The following PCCA variants were observed in gnomAD, a reference collection of about 807,000 sequenced individuals.
PCCA encodes propionyl-CoA carboxylase alpha chain, mitochondrial.
A neutral mutation model predicts 101.3 loss-of-function variants in PCCA; 74 were observed. The ratio of observed to expected loss-of-function variants is 0.73; its 90% CI spans 0.61 to 0.89. The LOEUF (loss-of-function observed/expected upper bound fraction) is 0.89. Ranked by LOEUF, PCCA falls within the 40% of genes least tolerant of loss-of-function variation. The probability of loss-of-function intolerance (pLI) is 0.00; values close to 1 mark genes in which losing one functional copy is unlikely to be tolerated. For synonymous variants in PCCA, 294 were observed against 313.6 expected (o/e 0.94, Z 0.66); for missense variants, 891 against 907.0 (o/e 0.98, Z 0.23).
At chr13:100,526,644 A>C in intron 22 of PCCA, among the ~76,000 whole-genome samples, 1 of 152,250 alleles carries the variant, frequency 6.6e-6, no homozygotes, top group East Asian at 1.9e-4. Flanking sequence ...ACACCCACCC[A>C]CACCACATAG....
At chr13:100,469,171 A>G (rs1411934628) in intron 21 of PCCA, among the ~76,000 whole-genome samples, 1 of 140,782 alleles carries the variant, frequency 7.1e-6, no homozygotes, top group Non-Finnish European at 1.5e-5. Context: ...AGATTGCGCC[A>G]TTGCACTCCA....
chr13:100,524,986 T>TGGATGGATAGATAA (rs1555330340), intron 22 of PCCA, among the ~76,000 whole-genome samples: 11 of 115,256 alleles, frequency 9.5e-5, no homozygotes, highest in African/African-American at 3.8e-4. Context: ...CTAAGATGGA[T>TGGATGGATAGATAA]AGATAGATAG....
At chr13:100,199,624 G>A (rs1229365377) in intron 6 of PCCA, among the ~76,000 whole-genome samples, 1 of 152,042 alleles carries the variant, frequency 6.6e-6, no homozygotes, top group Non-Finnish European at 1.5e-5. Flanking sequence ...GGCACATAAT[G>A]TCTTTTTAGC....
chr13:100,217,890 A>G (rs1357676158), intron 7 of PCCA, among the ~76,000 whole-genome samples: 2 of 150,920 alleles, frequency 1.3e-5, no homozygotes, highest in East Asian at 4.0e-4. Context: ...CCTGGCCAGC[A>G]TGGTGAAATC....
chr13:100,487,518 G>T (rs928370373), intron 21 of PCCA, among the ~76,000 whole-genome samples: 10 of 152,098 alleles, frequency 6.6e-5, no homozygotes, highest in Admixed American at 5.2e-4. Context: ...GGAAATGCTG[G>T]GTTAAATTAA....
At chr13:100,150,286 C>T (rs1336128212) in intron 4 of PCCA, among the ~76,000 whole-genome samples, 3 of 152,152 alleles carry the variant, frequency 2.0e-5, no homozygotes, top group Non-Finnish European at 1.5e-5. Context: ...CCCGCCTCGG[C>T]CTCCCAAAGT....
intron 15 of PCCA, among the ~76,000 whole-genome samples, chr13:100,308,278 T>C (rs1442723467): frequency 6.6e-6 from 1 of 152,244 alleles, no homozygotes; most frequent in Non-Finnish European, 1.5e-5. Flanking sequence ...TTTAATGTTA[T>C]AGTTGCAGTA....
intron 4 of PCCA, among the ~76,000 whole-genome samples, chr13:100,132,279 C>T (rs977591030): frequency 6.6e-6 from 1 of 151,994 alleles, no homozygotes; most frequent in African/African-American, 2.4e-5. Context: ...TCCATTACCC[C>T]TCAGACTCCC....
intron 7 of PCCA, among the ~76,000 whole-genome samples, chr13:100,225,220 G>A (rs1035028677): frequency 6.6e-6 from 1 of 152,146 alleles, no homozygotes; most frequent in African/African-American, 2.4e-5. Flanking sequence ...TAGTGGAAGT[G>A]GAATCCATGG....
chr13:100,510,558 T>C (rs1217058426), intron 21 of PCCA, among the ~76,000 whole-genome samples: 1 of 152,166 alleles, frequency 6.6e-6, no homozygotes, highest in African/African-American at 2.4e-5. Flanking sequence ...TTGAAGAAAA[T>C]AGCCTTTTGT....
At chr13:100,442,863 A>C (rs1446660024) in intron 20 of PCCA, among the ~76,000 whole-genome samples, 1 of 152,180 alleles carries the variant, frequency 6.6e-6, no homozygotes, top group Non-Finnish European at 1.5e-5. Context: ...GGGGGAAGGA[A>C]GTCCCAGGTA....
chr13:100,102,699 C>A (rs982857145), intron 1 of PCCA, among the ~76,000 whole-genome samples, 184 bp from the exon 2 acceptor site: 2 of 152,184 alleles, frequency 1.3e-5, no homozygotes, highest in Non-Finnish European at 2.9e-5. Flanking sequence ...GTTTCTCTTA[C>A]ATACCAAGGG....
At chr13:100,528,138 G>A (rs1314247141) in intron 23 of PCCA, among the ~76,000 whole-genome samples, 1 of 152,168 alleles carries the variant, frequency 6.6e-6, no homozygotes, top group African/African-American at 2.4e-5. Context: ...AACTCTTCAA[G>A]ACAATTTCTC....
chr13:100,465,001 A>G (rs1467770602), intron 21 of PCCA, among the ~76,000 whole-genome samples: 1 of 152,164 alleles, frequency 6.6e-6, no homozygotes, highest in East Asian at 1.9e-4. Flanking sequence ...TCTTGTACCT[A>G]TGAATTATTT....
chr13:100,452,161 CCTT>C (rs1011342427), intron 21 of PCCA, among the ~76,000 whole-genome samples: 1 of 139,656 alleles, frequency 7.2e-6, no homozygotes, highest in African/African-American at 2.7e-5. Flanking sequence ...CTCCCTCTCT[CCTT>C]CTCTTTTTTC....
chr13:100,443,359 G>T (rs2080521585), intron 20 of PCCA, among the ~76,000 whole-genome samples: 1 of 151,824 alleles, frequency 6.6e-6, no homozygotes, highest in Non-Finnish European at 1.5e-5. Flanking sequence ...GGAGGTTGAG[G>T]TGGGAGAATC....
intron 6 of PCCA, among the ~76,000 whole-genome samples, chr13:100,196,723 A>G (rs2058126125): frequency 6.6e-6 from 1 of 152,226 alleles, no homozygotes; most frequent in African/African-American, 2.4e-5. Flanking sequence ...TGAATTTGCA[A>G]TTAGCATCCC....
chr13:100,492,455 TAAGA>T (rs879728618), intron 21 of PCCA, among the ~76,000 whole-genome samples: 44 of 151,832 alleles, frequency 2.9e-4, no homozygotes, highest in Non-Finnish European at 4.7e-4. Flanking sequence ...CTCTAAGCAG[TAAGA>T]GACAGTGGGA....
chr13:100,355,457 A>G (rs1045983085), intron 18 of PCCA, among the ~76,000 whole-genome samples: 2 of 152,162 alleles, frequency 1.3e-5, no homozygotes, highest in Admixed American at 6.5e-5. Context: ...AGAACTAATG[A>G]GTCCTGGAAG....
Sources: allele counts gnomAD v4.1 joint callset (sites outside exome capture counted in the v4.1 genomes callset), GRCh38; gene constraint gnomAD v4.1.1; transcripts MANE v1.5; gene names NCBI Gene and HGNC (gene_info 2026-07-23, HGNC 2026-07-21).